OPA3: variants seen among roughly 807,000 people sequenced by gnomAD.
The protein encoded by OPA3 is outer mitochondrial membrane lipid metabolism regulator OPA3.
Under a neutral mutation model 4.0 loss-of-function variants are expected in OPA3, and 6 were observed. The ratio of observed to expected loss-of-function variants is 1.51; its 90% confidence interval spans 0.83 to 2.99. OPA3 has a LOEUF of 2.99. Among genes scored for constraint, OPA3 ranks in the 30% most tolerant of loss-of-function variants. The pLI is 0.00. For missense variants in OPA3, 235 were observed against 256.2 expected, an observed-to-expected ratio of 0.92 and a Z score of 0.56; for synonymous variants, 105 against 117.1, an observed-to-expected ratio of 0.90 and a Z score of 0.67.
chr19:45,528,915 C>G, exon 2 of OPA3: 1 of 1,027,088 alleles, frequency 9.7e-7, no homozygotes, highest in Non-Finnish European at 1.4e-6. Flanking sequence ...CAGCTCCAGC[C>G]CAGGATCTCT....
Position 45,552,855 on chromosome 19 carries a change from T to C in OPA3, c.*659A>G. 6.8e-6 allele frequency: 2 copies of C among 292,194 alleles called. No homozygotes were observed. Among genetic ancestry groups the C allele is most frequent in the Non-Finnish European group, 1.0e-5 (2 of 196,208 alleles). 18.1% of individuals were successfully genotyped at this position (292,194 alleles called of 1,614,324 possible). A position where few individuals can be genotyped will look rare whatever the true frequency, so the allele number is the denominator to read the frequency against. ...CACACCCGGCTAATTTTTGTATTTT[T>C]AGTAGAGACGGAGTTTCACCATGTT... On this transcript the variant is annotated 3_prime_UTR_variant, in exon 2 of 2. Transcript: ENST00000263275.
In OPA3 at chr19:45,548,092, G is replaced by C. The variant is rs1315572921; in HGVS notation, c.*5422C>G. Reference sequence around the variant, plus strand: ...CAACTGGCTCCCAGCTACTAGAATGGAGCCTGGTGCAGTTGATCCTCAGTA... The same window carrying C: ...CAACTGGCTCCCAGCTACTAGAATGCAGCCTGGTGCAGTTGATCCTCAGTA... On this transcript the variant is annotated 3_prime_UTR_variant, in exon 2 of 2. Transcript: ENST00000263275. 1.0e-6 allele frequency: 1 copy of C among 984,410 alleles called. No homozygotes were observed. The highest frequency in any genetic ancestry group is 1.2e-6 in the Non-Finnish European group (1 of 829,012). The allele number at this position is 984,410 out of a possible 1,614,324, so 61.0% of individuals were successfully genotyped here.
rs1014002317 is a variant in OPA3, at chr19:45,548,217, G to T, written c.*5297C>A. ...CAAGCCTGCCACTCAGCAACACAGC[G>T]ACCAGCCCAGGAGTAGCTCCGTGAG... On this transcript the variant is annotated 3_prime_UTR_variant, in exon 2 of 2. Transcript: ENST00000263275. The T allele has an allele frequency of 1.2e-5, 12 of 985,820 alleles. No individual in the cohort carries two copies. Among genetic ancestry groups the T allele is most frequent in the Non-Finnish European group, 1.4e-5 (12 of 830,264 alleles). 61.1% of individuals were successfully genotyped at this position (985,820 alleles called of 1,614,324 possible).
intron 1 of OPA3, among the ~76,000 whole-genome samples, chr19:45,578,807 T>C (rs550836862): frequency 3.3e-5 from 5 of 152,044 alleles, no homozygotes; most frequent in African/African-American, 9.6e-5. Flanking sequence ...AGCCTGGGTG[T>C]CGGAGTGCGA....
chr19:45,581,321 G>A (rs376275819), intron 1 of OPA3, among the ~76,000 whole-genome samples: 6 of 152,248 alleles, frequency 3.9e-5, no homozygotes, highest in Admixed American at 1.3e-4. Context: ...GAAAAAAAGT[G>A]CACTCCCTTA....
rs535182496 is a variant in OPA3 at position 45,528,825 on chromosome 19, C to A, written c.*231G>T. On this transcript the variant is annotated 3_prime_UTR_variant, in exon 2 of 2. Coordinates refer to the OPA3 transcript ENST00000323060. ...GGGCGGGGTGGGATAGGGCGGGGTC[C>A]TTCTTGGAACGTTCCACCTGCAGGA... 1.4e-4 allele frequency: 75 copies of A among 524,710 alleles called. 1 individual carries two copies. The highest frequency in any genetic ancestry group is 1.4e-3 in the African/African-American group (69 of 50,664). 32.5% of individuals were successfully genotyped at this position (524,710 alleles called of 1,614,324 possible).
At chr19:45,570,074 G>A (rs1969638943) in intron 1 of OPA3, among the ~76,000 whole-genome samples, 1 of 152,200 alleles carries the variant, frequency 6.6e-6, no homozygotes, top group African/African-American at 2.4e-5. Flanking sequence ...GCCATCCCCA[G>A]GCTGACACGG....
rs781509098 is a variant in OPA3 at position 45,584,801 on chromosome 19, C to T, written c.-37G>A. 23 of 1,611,018 alleles carry T rather than the reference C, an allele frequency of 1.4e-5. No homozygotes were observed. The highest frequency in any genetic ancestry group is 1.9e-5 in the Non-Finnish European group (23 of 1,179,856). On this transcript the variant is annotated 5_prime_UTR_variant, in exon 1 of 2. Coordinates refer to ENST00000263275, the MANE Select transcript of OPA3 (RefSeq NM_025136.4). ...CACAGGGCACGCGCAACCTTGCTGA[C>T]TGGGCGGGGCGCCTCAACCTCTTCA...
intron 1 of OPA3, among the ~76,000 whole-genome samples, chr19:45,569,815 CT>C (rs2122486629): frequency 6.6e-6 from 1 of 152,278 alleles, no homozygotes; most frequent in South Asian, 2.1e-4. Flanking sequence ...GCCATGAGGA[CT>C]GCCTGAGCAC....
chr19:45,563,887 G>T (rs1264979265), intron 1 of OPA3, among the ~76,000 whole-genome samples: 1 of 146,508 alleles, frequency 6.8e-6, no homozygotes, highest in Non-Finnish European at 1.5e-5. Flanking sequence ...ATGAGATTTT[G>T]TCATGTTGCC....
At chr19:45,531,880 C>T (rs1969064838) in intron 1 of OPA3, among the ~76,000 whole-genome samples, 1 of 152,148 alleles carries the variant, frequency 6.6e-6, no homozygotes, top group Non-Finnish European at 1.5e-5. Flanking sequence ...CTCTTTAGCC[C>T]TTCGAATTTT....
chr19:45,537,410 A>AAAAAAAAAAAAACAAG lies in OPA3; in HGVS notation c.143-7970_143-7955dup, dbSNP rs1555730891. Among the ~76,000 whole-genome samples, 679 of 120,006 alleles carry AAAAAAAAAAAAACAAG rather than the reference A, an allele frequency of 5.7e-3. 16 individuals carry two copies. Among genetic ancestry groups the AAAAAAAAAAAAACAAG allele is most frequent in the African/African-American group, 9.4e-3 (286 of 30,288 alleles). The allele number at this position is 120,006 out of a possible 152,430, so 78.7% of individuals were successfully genotyped here. On this transcript the variant is annotated intron_variant, in intron 1 of 1. Coordinates refer to the OPA3 transcript ENST00000323060. ...AGACTCTGTCTCAAAAAAAAAAAAAAAAAAAAAAAAAACAAGAAAAGAACT... is the reference window on the plus strand; with the variant it reads ...AGACTCTGTCTCAAAAAAAAAAAAAAAAAAAAAAAAAACAAGAAAAAAAAAAAACAAGAAAAGAACT...
intron 1 of OPA3, among the ~76,000 whole-genome samples, chr19:45,579,981 TTTTC>T (rs1242375673): frequency 5.6e-5 from 8 of 143,276 alleles, no homozygotes; most frequent in Admixed American, 2.8e-4. Context: ...CCAGAAGCCA[TTTTC>T]TTTCTTTTTT....
intron 1 of OPA3, among the ~76,000 whole-genome samples, chr19:45,567,357 A>G (rs957767851): frequency 6.7e-6 from 1 of 149,550 alleles, no homozygotes; most frequent in African/African-American, 2.5e-5. Flanking sequence ...AAAAAAAAAA[A>G]AGAAGAAGAA....
intron 1 of OPA3, among the ~76,000 whole-genome samples, chr19:45,530,027 C>G (rs1417976607): frequency 6.6e-6 from 1 of 152,156 alleles, no homozygotes; most frequent in South Asian, 2.1e-4. Context: ...AGCCACGGAG[C>G]GCGGCCCTGA....
intron 1 of OPA3, among the ~76,000 whole-genome samples, chr19:45,535,529 T>C (rs2122382523): frequency 1.3e-5 from 2 of 151,770 alleles, no homozygotes; most frequent in South Asian, 4.2e-4. Flanking sequence ...GGCTAATTTT[T>C]GTAATTTTCT....
At chr19:45,564,041 C>T (rs1397725424) in intron 1 of OPA3, among the ~76,000 whole-genome samples, 1 of 151,904 alleles carries the variant, frequency 6.6e-6, no homozygotes, top group Non-Finnish European at 1.5e-5. Flanking sequence ...CCACCTTGGC[C>T]CCCAGGATTC....
intron 1 of OPA3, among the ~76,000 whole-genome samples, chr19:45,574,386 G>A (rs1969735660): frequency 8.0e-6 from 1 of 125,108 alleles, no homozygotes; most frequent in South Asian, 2.7e-4. Context: ...GACAGAGCAA[G>A]ACTCTGTCTC....
At chr19:45,574,487 G>C (rs1442268595) in intron 1 of OPA3, among the ~76,000 whole-genome samples, 1 of 151,938 alleles carries the variant, frequency 6.6e-6, no homozygotes, top group Non-Finnish European at 1.5e-5. Flanking sequence ...TCCCGGGCCA[G>C]GGCTCGCCTA....
Sources: gnomAD v4.1 joint callset for allele counts (sites outside exome capture counted in the v4.1 genomes callset) on GRCh38, gnomAD v4.1.1 for gene constraint, MANE v1.5 for transcripts, NCBI Gene and HGNC (gene_info 2026-07-23, HGNC 2026-07-21) for gene names.